The following LHPP variants were observed in gnomAD, a reference collection of about 807,000 sequenced individuals.
LHPP encodes the protein hLHPP.
Under a neutral mutation model 30.3 loss-of-function variants are expected in LHPP, and 24 were observed. That is an observed-to-expected ratio of 0.79 (90% CI 0.57 to 1.11). The LOEUF (loss-of-function observed/expected upper bound fraction) is 1.11, where lower values mean the gene tolerates loss of function less well. LHPP is among the 50% of genes most tolerant of loss of function. The pLI, the probability that LHPP is intolerant of heterozygous loss-of-function variation, is 0.00. For synonymous variants in LHPP, 150 were observed against 157.1 expected (o/e 0.95, Z 0.34); for missense variants, 356 against 367.2 (o/e 0.97, Z 0.25).
chr10:124,556,984 C>T (rs1472151108), intron 6 of LHPP, among the ~76,000 whole-genome samples: 1 of 152,096 alleles, frequency 6.6e-6, no homozygotes, highest in African/African-American at 2.4e-5. Context: ...CAGAGACCAG[C>T]CTGAAGATGC....
At chr10:124,474,117 G>A (rs1035376182) in intron 1 of LHPP, among the ~76,000 whole-genome samples, 3 of 148,010 alleles carry the variant, frequency 2.0e-5, no homozygotes, top group African/African-American at 7.4e-5. Context: ...ATTTTGAAGA[G>A]TGGGTTGCTT....
At chr10:124,605,632 C>T (rs1355547840) in intron 6 of LHPP, 2 of 152,342 alleles carry the variant, frequency 1.3e-5, no homozygotes, top group Non-Finnish European at 2.9e-5. Flanking sequence ...GAGCAGCAGC[C>T]CAGACACTGA....
At chr10:124,536,021 G>A (rs1314317603) in intron 6 of LHPP, among the ~76,000 whole-genome samples, 1 of 152,256 alleles carries the variant, frequency 6.6e-6, no homozygotes, top group African/African-American at 2.4e-5. Flanking sequence ...AGGTTCTGCT[G>A]CTTTAAAACC....
chr10:124,476,139 C>T lies in LHPP; in HGVS notation c.126-8000C>T, dbSNP rs145102304. Among the ~76,000 whole-genome samples, 8 of 152,150 alleles carry T rather than the reference C, an allele frequency of 5.3e-5. No individual in the cohort carries two copies. The East Asian group carries it at 1.4e-3, about 26-fold the overall frequency. On this transcript the variant is annotated intron_variant, in intron 1 of 6. Coordinates refer to ENST00000368842, the MANE Select transcript of LHPP (RefSeq NM_022126.4). ...TATAAGTGCCCTAGCTGGGGGCCGGCCCCAGCTTGACCTCATTGCCGTCCC... is the reference window on the plus strand; with the variant it reads ...TATAAGTGCCCTAGCTGGGGGCCGGTCCCAGCTTGACCTCATTGCCGTCCC...
At chr10:124,547,850 A>G (rs35841851) in intron 6 of LHPP, among the ~76,000 whole-genome samples, 16,158 of 152,262 alleles carry the variant, frequency 0.11, 1,182 homozygotes, top group East Asian at 0.3. Context: ...GTCCACATAT[A>G]TTGCATAATC....
intron 3 of LHPP, among the ~76,000 whole-genome samples, chr10:124,495,167 T>C (rs1953665988): frequency 6.6e-6 from 1 of 152,170 alleles, no homozygotes; most frequent in Non-Finnish European, 1.5e-5. Flanking sequence ...TGGGGGTCAC[T>C]CTAAAAGGGA....
chr10:124,523,168 C>T lies in LHPP; in HGVS notation c.716+5897C>T, dbSNP rs1589826923. Among the ~76,000 whole-genome samples the T allele has an allele frequency of 6.6e-6, 1 of 152,364 alleles. No individual in the cohort carries two copies. The highest frequency in any genetic ancestry group is 1.9e-4 in the East Asian group (1 of 5,186). ...GTCTTCTCTTATTGTTTACCCAAGG[C>T]TGGCAGATGTTTTATAAGCCCCGAA... On this transcript the variant is annotated intron_variant, in intron 6 of 6. Coordinates refer to ENST00000368842, the MANE Select transcript of LHPP (RefSeq NM_022126.4). The surrounding 1 kb of genome is among the most constrained non-coding windows in gnomAD (Gnocchi z 4.2).
chr10:124,544,046 G>A (rs1016965508), intron 6 of LHPP, among the ~76,000 whole-genome samples: 1 of 152,230 alleles, frequency 6.6e-6, no homozygotes, highest in Admixed American at 6.5e-5. Flanking sequence ...CAGAGCTGCC[G>A]CACCCTGGCC....
intron 6 of LHPP, among the ~76,000 whole-genome samples, chr10:124,556,665 A>G (rs933015798): frequency 1.3e-5 from 2 of 152,154 alleles, no homozygotes; most frequent in African/African-American, 4.8e-5. Flanking sequence ...GCAACTCTCG[A>G]CACCCTCACC....
intron 6 of LHPP, among the ~76,000 whole-genome samples, chr10:124,572,647 T>C (rs1042550823): frequency 6.8e-6 from 1 of 146,212 alleles, no homozygotes; most frequent in Admixed American, 6.9e-5. Context: ...AGAAAGAAAG[T>C]AAGAAAGGAA....
At position 124,483,805 on chromosome 10, in the gene LHPP, C is replaced by T. The variant is rs572547083; in HGVS notation, c.126-334C>T. On this transcript the variant is annotated intron_variant, in intron 1 of 6. Transcript: ENST00000368842. Reference sequence around the variant, plus strand: ...TAAAGAAGTGGCACAGGTAGAGAGGCGGGGGGACAGAGTTGCATTCCAGGC... The same window carrying T: ...TAAAGAAGTGGCACAGGTAGAGAGGTGGGGGGACAGAGTTGCATTCCAGGC... Among the ~76,000 whole-genome samples, 13 of 132,648 alleles carry T rather than the reference C, an allele frequency of 9.8e-5. No homozygotes were observed. The East Asian group carries it at 1.1e-3, about 11-fold the overall frequency. The allele number at this position is 132,648 out of a possible 152,430, so 87.0% of individuals were successfully genotyped here.
At chr10:124,549,507 A>G (rs1448829633) in intron 6 of LHPP, among the ~76,000 whole-genome samples, 1 of 150,346 alleles carries the variant, frequency 6.7e-6, no homozygotes, top group East Asian at 1.9e-4. Flanking sequence ...AAAGGAAGGA[A>G]CTCCTAATTT....
chr10:124,589,704 G>C (rs1271966102), intron 6 of LHPP, among the ~76,000 whole-genome samples: 2 of 152,156 alleles, frequency 1.3e-5, no homozygotes, highest in Non-Finnish European at 2.9e-5. Flanking sequence ...TTAGAGACTC[G>C]AGCAAGACCC....
At position 124,613,438 on chromosome 10, in the gene LHPP, TCCA is replaced by T; in HGVS notation, c.*81_*83del. ...GCCTCCCCTCCACCCCTGCCTCTCC[TCCA>T]CCCGCCCAGGAGAGCCCCACCTCCT... On this transcript the variant is annotated 3_prime_UTR_variant, in exon 7 of 7. Coordinates refer to ENST00000368842, the MANE Select transcript of LHPP (RefSeq NM_022126.4). 1 of 722,568 alleles carries T rather than the reference TCCA, an allele frequency of 1.4e-6. No homozygotes were observed. Among genetic ancestry groups the T allele is most frequent in the Non-Finnish European group, 2.0e-6 (1 of 502,432 alleles). The allele number at this position is 722,568 out of a possible 1,614,324, so 44.8% of individuals were successfully genotyped here. A position where few individuals can be genotyped will look rare whatever the true frequency, so the allele number is the denominator to read the frequency against.
chr10:124,553,814 GCA>G, intron 6 of LHPP: 3 of 837,068 alleles, frequency 3.6e-6, no homozygotes, highest in Non-Finnish European at 4.3e-6. Context: ...CTTGGGAGCT[GCA>G]CAGAGACCTC....
In LHPP at chr10:124,596,525, C is replaced by T. The variant is rs1048364156; in HGVS notation, c.717-16739C>T. ...TAGGTGGAACACACACAGAGTGGGC[C>T]GGCGCTCATAAGCAGTCCCGTGTGA... On this transcript the variant is annotated intron_variant, in intron 6 of 6. Transcript: ENST00000368842. The surrounding 1 kb of genome is among the most constrained non-coding windows in gnomAD (Gnocchi z 4.6). 1.3e-5 allele frequency among the ~76,000 whole-genome samples: 2 copies of T among 152,100 alleles called. No individual in the cohort carries two copies. Among genetic ancestry groups the T allele is most frequent in the Non-Finnish European group, 2.9e-5 (2 of 68,026 alleles).
rs1389196894 is a variant in LHPP at position 124,563,529 on chromosome 10, C to T, written c.716+46258C>T. Among the ~76,000 whole-genome samples the T allele has an allele frequency of 2.6e-5, 4 of 151,874 alleles. No individual in the cohort carries two copies. The South Asian group carries it at 6.2e-4, about 24-fold the overall frequency. ...TGGGGCGGGGCAGGAGGGCAGTGGG[C>T]GTGGCTATAAAGAGCAGCCTGAGGG... On this transcript the variant is annotated intron_variant, in intron 6 of 6. Transcript: ENST00000368842.
chr10:124,506,867 G>T (rs1273683852), intron 5 of LHPP, among the ~76,000 whole-genome samples: 1 of 32,744 alleles, frequency 3.1e-5, no homozygotes, highest in Non-Finnish European at 6.5e-5. Context: ...ATTTCAGGTG[G>T]AGAGGTAGAC....
chr10:124,557,772 AC>A (rs1269481579), intron 6 of LHPP, among the ~76,000 whole-genome samples: 1 of 152,078 alleles, frequency 6.6e-6, no homozygotes, highest in Non-Finnish European at 1.5e-5. Context: ...TACAGAGCAC[AC>A]TGGGGGAGGG....
Sources: allele counts gnomAD v4.1 joint callset (sites outside exome capture counted in the v4.1 genomes callset), GRCh38; gene constraint gnomAD v4.1.1; non-coding constraint Gnocchi (gnomAD v3.1); transcripts MANE v1.5; gene names NCBI Gene and HGNC (gene_info 2026-07-23, HGNC 2026-07-21).